The following PCDH7 variants were observed in gnomAD, a reference collection of about 807,000 sequenced individuals.
The protein encoded by PCDH7 is protocadherin-7.
Under a neutral mutation model 58.9 loss-of-function variants are expected in PCDH7, and 17 were observed. That is an observed-to-expected ratio of 0.29 (90% CI 0.20 to 0.43). The LOEUF is 0.43. Ranked by LOEUF, PCDH7 falls within the 20% of genes least tolerant of loss-of-function variation. The pLI is 1.00. For synonymous variants in PCDH7, 664 were observed against 616.4 expected (o/e 1.08, Z -1.14); for missense variants, 1,274 against 1,441.0 (o/e 0.88, Z 1.88).
intron 3 of PCDH7, among the ~76,000 whole-genome samples, chr4:31,013,460 A>G (rs55734264): frequency 6.7e-6 from 1 of 149,644 alleles, no homozygotes; most frequent in African/African-American, 2.5e-5. Context: ...TATATTATAT[A>G]TAATATGTGC....
intron 3 of PCDH7, 64 bp from the exon 3 acceptor site, chr4:31,142,409 T>C: frequency 8.0e-7 from 1 of 1,242,530 alleles, no homozygotes; most frequent in South Asian, 1.4e-5. Flanking sequence ...TCTAATTTCA[T>C]ATAGATCAGG....
chr4:30,988,199 A>G (rs959512260), intron 3 of PCDH7, among the ~76,000 whole-genome samples: 2 of 152,216 alleles, frequency 1.3e-5, no homozygotes, highest in South Asian at 4.1e-4. Context: ...ACTGCACGAT[A>G]GTACCATGTG....
At chr4:30,860,258 G>T (rs929868254) in intron 1 of PCDH7, among the ~76,000 whole-genome samples, 1 of 152,042 alleles carries the variant, frequency 6.6e-6, no homozygotes, top group Non-Finnish European at 1.5e-5. Flanking sequence ...TCTCTCTCCA[G>T]GGAGGGTCTA....
At chr4:30,860,525 C>T (rs973878516) in intron 1 of PCDH7, among the ~76,000 whole-genome samples, 2 of 151,874 alleles carry the variant, frequency 1.3e-5, no homozygotes, top group African/African-American at 4.8e-5. Flanking sequence ...TCAACTTGTG[C>T]ATCATGTCTT....
intron 1 of PCDH7, among the ~76,000 whole-genome samples, chr4:30,834,074 G>A (rs982496601): frequency 3.3e-5 from 5 of 152,110 alleles, no homozygotes; most frequent in Non-Finnish European, 5.9e-5. Flanking sequence ...GTTCAGTGAA[G>A]TCATAAGCTC....
At chr4:30,771,418 T>C (rs1272183564) in intron 1 of PCDH7, among the ~76,000 whole-genome samples, 3 of 152,150 alleles carry the variant, frequency 2.0e-5, no homozygotes, top group Non-Finnish European at 4.4e-5. Flanking sequence ...AGAAAAGCCA[T>C]AATTTGATTC....
At chr4:31,102,739 G>A (rs1345822451) in intron 3 of PCDH7, among the ~76,000 whole-genome samples, 1 of 151,652 alleles carries the variant, frequency 6.6e-6, no homozygotes, top group Non-Finnish European at 1.5e-5. Context: ...CAAGTATCAT[G>A]TACAAAATAC....
At chr4:30,741,939 CA>C (rs1291188948) in intron 1 of PCDH7, among the ~76,000 whole-genome samples, 1 of 152,204 alleles carries the variant, frequency 6.6e-6, no homozygotes, top group Non-Finnish European at 1.5e-5. Flanking sequence ...TGCATGATCT[CA>C]TTGTAAGAAC....
chr4:31,100,417 C>T (rs1714756246), intron 3 of PCDH7, among the ~76,000 whole-genome samples: 1 of 152,144 alleles, frequency 6.6e-6, no homozygotes, highest in Admixed American at 6.6e-5. Context: ...AGTGGAAATA[C>T]AGATTCATAT....
intron 1 of PCDH7, among the ~76,000 whole-genome samples, chr4:30,754,340 T>A (rs930184885): frequency 1.3e-5 from 2 of 152,158 alleles, no homozygotes; most frequent in Non-Finnish European, 2.9e-5. Flanking sequence ...GAAAAGAGGT[T>A]GTTATAATCA....
intron 2 of PCDH7, among the ~76,000 whole-genome samples, chr4:30,936,099 G>A (rs1745308345): frequency 6.6e-6 from 1 of 151,980 alleles, no homozygotes; most frequent in Non-Finnish European, 1.5e-5. Context: ...TGATAAAATA[G>A]TATCCTTATT....
At chr4:30,759,605 A>G (rs1719768975) in intron 1 of PCDH7, among the ~76,000 whole-genome samples, 1 of 152,194 alleles carries the variant, frequency 6.6e-6, no homozygotes, top group African/African-American at 2.4e-5. Flanking sequence ...GTGAAAAGAA[A>G]AAAATCTGTT....
chr4:30,957,734 G>A (rs755076097), intron 3 of PCDH7, among the ~76,000 whole-genome samples: 3 of 152,078 alleles, frequency 2.0e-5, no homozygotes, highest in Non-Finnish European at 4.4e-5. Flanking sequence ...ACATTAAATA[G>A]GCTTTACATT....
chr4:30,882,113 TCCTCCTCCC>T (rs1737049059), intron 1 of PCDH7, among the ~76,000 whole-genome samples: 1 of 90,994 alleles, frequency 1.1e-5, no homozygotes, highest in South Asian at 4.4e-4. Context: ...CTCCCCCTCC[TCCTCCTCCC>T]GTTTCTCTCC....
At chr4:31,040,405 G>T (rs887228498) in intron 3 of PCDH7, among the ~76,000 whole-genome samples, 2 of 152,134 alleles carry the variant, frequency 1.3e-5, no homozygotes, top group African/African-American at 4.8e-5. Context: ...AATTAAATGT[G>T]CATGGTGTTC....
exon 2 of PCDH7, chr4:30,731,232 G>C: frequency 1.4e-6 from 1 of 706,904 alleles, no homozygotes; most frequent in East Asian, 1.3e-4. Flanking sequence ...TAAGTGCCAT[G>C]TAATCACAGG....
At chr4:30,861,164 T>C (rs1380066645) in intron 1 of PCDH7, among the ~76,000 whole-genome samples, 1 of 152,150 alleles carries the variant, frequency 6.6e-6, no homozygotes, top group Non-Finnish European at 1.5e-5. Flanking sequence ...CCTTATACAC[T>C]AGAAGTACTG....
chr4:30,963,038 G>A (rs1437875831), intron 3 of PCDH7, among the ~76,000 whole-genome samples: 2 of 152,108 alleles, frequency 1.3e-5, no homozygotes, highest in Non-Finnish European at 2.9e-5. Context: ...GTTCATTACA[G>A]TTGCTGTTAG....
At chr4:30,917,672 A>C (rs1249413686) in intron 1 of PCDH7, among the ~76,000 whole-genome samples, 1 of 152,066 alleles carries the variant, frequency 6.6e-6, no homozygotes, top group East Asian at 1.9e-4. Context: ...ATAGAGATTA[A>C]AATATGCACA....
Sources: gnomAD v4.1 joint callset for allele counts (sites outside exome capture counted in the v4.1 genomes callset) on GRCh38, gnomAD v4.1.1 for gene constraint, MANE v1.5 for transcripts, NCBI Gene and HGNC (gene_info 2026-07-23, HGNC 2026-07-21) for gene names.